Variants in ABLIM2 observed in about 807,000 individuals in gnomAD.
ABLIM2 encodes the protein actin-binding LIM protein 2.
ABLIM2 carries 53 observed loss-of-function variants against 97.7 expected under a neutral mutation model. The ratio of observed to expected loss-of-function variants is 0.54; its 90% confidence interval spans 0.44 to 0.68. The LOEUF (loss-of-function observed/expected upper bound fraction) is 0.68, where lower values mean the gene tolerates loss of function less well. ABLIM2 is among the 30% of genes least tolerant of loss of function. The pLI is 0.00. For synonymous variants in ABLIM2, 361 were observed against 345.8 expected (o/e 1.04, Z -0.49); for missense variants, 835 against 867.2 (o/e 0.96, Z 0.47).
At chr4:8,090,375 A>G (rs1826512962) in intron 3 of ABLIM2, among the ~76,000 whole-genome samples, 1 of 152,208 alleles carries the variant, frequency 6.6e-6, no homozygotes, top group African/African-American at 2.4e-5. Context: ...GAATGCCTGC[A>G]TTCCAGGTTT....
intron 20 of ABLIM2, 78 bp downstream of exon 20, chr4:7,983,186 C>T (rs1740248690): frequency 2.0e-6 from 3 of 1,480,798 alleles, no homozygotes; most frequent in Admixed American, 2.0e-5. Flanking sequence ...GGGCAACGAC[C>T]TTGACACCAC....
In ABLIM2 at chr4:8,082,575, C is replaced by A. The variant is rs550235764; in HGVS notation, c.455-1773G>T. On this transcript the variant is annotated intron_variant, in intron 4 of 20. Coordinates refer to ENST00000447017, the MANE Select transcript of ABLIM2 (RefSeq NM_001130083.2). This position sits in a 1 kb window ranked among gnomAD's most constrained non-coding sequence, Gnocchi z 5.6. ...TAAAACAAACGAACACTCACAAAGC[C>A]GTTGGTCAAGCTCAGGATTTCCTAA... is the stretch of plus-strand genomic sequence containing the variant. Among the ~76,000 whole-genome samples the A allele has an allele frequency of 2.2e-4, 33 of 152,326 alleles. No individual in the cohort carries two copies. Among genetic ancestry groups the A allele is most frequent in the African/African-American group, 7.2e-4 (30 of 41,570 alleles).
Position 8,125,063 on chromosome 4 carries a change from T to G in ABLIM2, c.11-18426A>C, listed in dbSNP as rs1399192619. ...GCAGATGCTTTGCCCATTTTTCAGC[T>G]TGGTTGTCTTGATAGGATTGAGGGA... On this transcript the variant is annotated intron_variant, in intron 1 of 20. Coordinates refer to ENST00000447017, the MANE Select transcript of ABLIM2 (RefSeq NM_001130083.2). This position sits in a 1 kb window ranked among gnomAD's most constrained non-coding sequence, Gnocchi z 6.2. Among the ~76,000 whole-genome samples, 1 of 152,206 alleles carries G rather than the reference T, an allele frequency of 6.6e-6. No homozygotes were observed. The highest frequency in any genetic ancestry group is 1.5e-5 in the Non-Finnish European group (1 of 68,034).
chr4:8,127,612 C>G lies in ABLIM2; in HGVS notation c.11-20975G>C, dbSNP rs773773243. On this transcript the variant is annotated intron_variant, in intron 1 of 20. Coordinates refer to ENST00000447017, the MANE Select transcript of ABLIM2 (RefSeq NM_001130083.2). The surrounding 1 kb of genome is among the most constrained non-coding windows in gnomAD (Gnocchi z 7.3). The stretch of plus-strand genomic sequence containing the variant: ...GCAAAGGGCCAGCGGGTCGGCGGCT[C>G]TCCCTCTGCGTGGCTGGGCCTGGCA... 5 of 1,289,608 alleles carry G rather than the reference C, an allele frequency of 3.9e-6. No homozygotes were observed. The highest frequency in any genetic ancestry group is 5.1e-6 in the Non-Finnish European group (5 of 988,712). 79.9% of individuals were successfully genotyped at this position (1,289,608 alleles called of 1,614,324 possible).
At chr4:7,971,971 C>G (rs1728429583) in intron 20 of ABLIM2, among the ~76,000 whole-genome samples, 1 of 152,152 alleles carries the variant, frequency 6.6e-6, no homozygotes. Flanking sequence ...TGGTGCATTC[C>G]ACCGGCTCAC....
intron 12 of ABLIM2, 119 bp from the exon 13 acceptor site, chr4:8,020,422 C>T (rs1485142663): frequency 1.1e-6 from 1 of 886,856 alleles, no homozygotes; most frequent in Admixed American, 2.0e-5. Context: ...GGTGGAGCAG[C>T]CCAGATCCCC....
At chr4:7,987,124 A>G (rs2149789417) in intron 17 of ABLIM2, among the ~76,000 whole-genome samples, 1 of 152,246 alleles carries the variant, frequency 6.6e-6, no homozygotes, top group Non-Finnish European at 1.5e-5. Flanking sequence ...CTACAGGCGC[A>G]TGCCATCACA....
chr4:8,126,018 T>C (rs1228182018), intron 1 of ABLIM2, among the ~76,000 whole-genome samples: 1 of 152,128 alleles, frequency 6.6e-6, no homozygotes, highest in African/African-American at 2.4e-5. Flanking sequence ...GGCAGGGCAG[T>C]GTCTCCTCCA....
intron 3 of ABLIM2, among the ~76,000 whole-genome samples, chr4:8,091,339 TA>T (rs1827531382): frequency 5.5e-5 from 2 of 36,476 alleles, no homozygotes; most frequent in South Asian, 5.6e-4. Flanking sequence ...ATTATATATA[TA>T]ATATATATAT....
Position 8,019,486 on chromosome 4 carries a change from T to A in ABLIM2, c.1423+132A>T. 1.3e-6 allele frequency: 1 copy of A among 784,364 alleles called. No homozygotes were observed. The highest frequency in any genetic ancestry group is 2.0e-6 in the Non-Finnish European group (1 of 503,054). 48.6% of individuals were successfully genotyped at this position (784,364 alleles called of 1,614,324 possible). Reference sequence around the variant, plus strand: ...CTGCTAGTGAATTTGCATTTAATAGTCAGACTGCTAAGGGCCTTGGTGGTG... The same window carrying A: ...CTGCTAGTGAATTTGCATTTAATAGACAGACTGCTAAGGGCCTTGGTGGTG... On this transcript the variant is annotated intron_variant, in intron 14 of 20. Transcript: ENST00000447017. The surrounding 1 kb of genome is among the most constrained non-coding windows in gnomAD (Gnocchi z 4.3).
intron 6 of ABLIM2, among the ~76,000 whole-genome samples, chr4:8,064,332 C>T (rs931187441): frequency 1.3e-5 from 2 of 152,178 alleles, no homozygotes; most frequent in African/African-American, 4.8e-5. Flanking sequence ...GGGGAGCAGA[C>T]CGTGAAGGTC....
chr4:8,127,782 A>G lies in ABLIM2; in HGVS notation c.11-21145T>C, dbSNP rs942122913. 13 of 916,104 alleles carry G rather than the reference A, an allele frequency of 1.4e-5. No individual in the cohort carries two copies. In the Admixed American group the frequency reaches 8.1e-4, roughly 57 times the overall value. 56.7% of individuals were successfully genotyped at this position (916,104 alleles called of 1,614,324 possible). On this transcript the variant is annotated intron_variant, in intron 1 of 20. Transcript: ENST00000447017. The surrounding 1 kb of genome is among the most constrained non-coding windows in gnomAD (Gnocchi z 7.3). ...CGGCACACTGAAATAGACTCCCGCC[A>G]CACTATGCGCCAGAGACACACCTGT...
rs950436532 is a variant in ABLIM2, at chr4:8,082,282, G to A, written c.455-1480C>T. On this transcript the variant is annotated intron_variant, in intron 4 of 20. Transcript: ENST00000447017. This position sits in a 1 kb window ranked among gnomAD's most constrained non-coding sequence, Gnocchi z 5.6. ...AATCCTGGCCCCCACTATGCGCTGGGTCACACTGAGCGTATTCCTCCTGCG... is the reference window on the plus strand; with the variant it reads ...AATCCTGGCCCCCACTATGCGCTGGATCACACTGAGCGTATTCCTCCTGCG... 6.6e-6 allele frequency among the ~76,000 whole-genome samples: 1 copy of A among 152,302 alleles called. No homozygotes were observed. Among genetic ancestry groups the A allele is most frequent in the Middle Eastern group, 3.4e-3 (1 of 294 alleles).
At chr4:8,060,152 C>T (rs1279933337) in intron 7 of ABLIM2, among the ~76,000 whole-genome samples, 1 of 152,198 alleles carries the variant, frequency 6.6e-6, no homozygotes, top group Non-Finnish European at 1.5e-5. Flanking sequence ...TTGTCTCCCT[C>T]CTCCCCTGCC....
chr4:8,007,515 T>A (rs183159766), intron 16 of ABLIM2: 3 of 985,492 alleles, frequency 3.0e-6, no homozygotes, highest in Admixed American at 1.2e-4. Flanking sequence ...AACAGCATTA[T>A]CTGGAGTTTT....
In ABLIM2 at chr4:8,061,728, C is replaced by T. The variant is rs1234236544; in HGVS notation, c.676-674G>A. On this transcript the variant is annotated intron_variant, in intron 6 of 20. Transcript: ENST00000447017. This position sits in a 1 kb window ranked among gnomAD's most constrained non-coding sequence, Gnocchi z 4.5. ...GCACACACTTCCTACCCTGAGGGCACGGCGGGTGCAGCCTATTGCTAAATG... is the reference window on the plus strand; with the variant it reads ...GCACACACTTCCTACCCTGAGGGCATGGCGGGTGCAGCCTATTGCTAAATG... Among the ~76,000 whole-genome samples, 3 of 151,918 alleles carry T rather than the reference C, an allele frequency of 2.0e-5. No homozygotes were observed. The highest frequency in any genetic ancestry group is 6.5e-5 in the Admixed American group (1 of 15,276).
In ABLIM2 at chr4:8,111,250, T is replaced by A. The variant is rs138156469; in HGVS notation, c.11-4613A>T. On this transcript the variant is annotated intron_variant, in intron 1 of 20. Coordinates refer to ENST00000447017, the MANE Select transcript of ABLIM2 (RefSeq NM_001130083.2). ...AGCTGGAAGAAGCCTGGAAAGGCTA[T>A]GCCCTGCAGGATTCCAATTATGTGA... 7.3e-3 allele frequency among the ~76,000 whole-genome samples: 1,106 copies of A among 152,370 alleles called. 10 individuals are homozygous for A. Among genetic ancestry groups the A allele is most frequent in the Middle Eastern group, 0.014 (4 of 294 alleles).
At chr4:8,158,168 G>A (rs1206132407) in intron 1 of ABLIM2, among the ~76,000 whole-genome samples, 1 of 152,220 alleles carries the variant, frequency 6.6e-6, no homozygotes, top group Non-Finnish European at 1.5e-5. Context: ...CGGGCTCCGG[G>A]TCCCCAGATC....
chr4:8,106,484 G>T lies in ABLIM2; in HGVS notation c.154+10C>A. ...AGGGGCCACACTGCAGGGGACCGGG[G>T]GACACTCACCTTTACAGACGAAGCA... On this transcript the variant is annotated intron_variant, in intron 2 of 20. Transcript: ENST00000447017. The T allele has an allele frequency of 1.9e-6, 3 of 1,588,592 alleles. No homozygotes were observed. Among genetic ancestry groups the T allele is most frequent in the East Asian group, 2.3e-5 (1 of 43,546 alleles).
Sources: gnomAD v4.1 joint callset for allele counts (sites outside exome capture counted in the v4.1 genomes callset) on GRCh38, gnomAD v4.1.1 for gene constraint, Gnocchi (gnomAD v3.1) non-coding constraint, MANE v1.5 for transcripts, NCBI Gene and HGNC (gene_info 2026-07-23, HGNC 2026-07-21) for gene names.